Variants in ROBO2 observed in about 807,000 individuals in gnomAD.
The protein encoded by ROBO2 is roundabout homolog 2.
ROBO2 carries 53 observed loss-of-function variants against 160.8 expected under a neutral mutation model. The observed-to-expected ratio is 0.33, with a 90% CI of 0.26 to 0.41. The LOEUF is 0.41. ROBO2 is among the 10% of genes least tolerant of loss of function. The pLI, the probability that ROBO2 is intolerant of heterozygous loss-of-function variation, is 1.00. For synonymous variants in ROBO2, 664 were observed against 611.7 expected, an observed-to-expected ratio of 1.09 and a Z score of -1.26; for missense variants, 1,577 against 1,722.4, an observed-to-expected ratio of 0.92 and a Z score of 1.49.
chr3:77,487,783 TAAAG>T (rs1329646450), intron 4 of ROBO2, among the ~76,000 whole-genome samples: 1 of 152,196 alleles, frequency 6.6e-6, no homozygotes, highest in African/African-American at 2.4e-5. Flanking sequence ...TTACAGGACT[TAAAG>T]AACTCTACCT....
intron 2 of ROBO2, among the ~76,000 whole-genome samples, chr3:77,243,546 G>A (rs1171899241): frequency 6.6e-6 from 1 of 152,022 alleles, no homozygotes; most frequent in African/African-American, 2.4e-5. Context: ...GACTATTCTG[G>A]ACACGGTCAT....
chr3:76,732,125 G>GA (rs1345863944), intron 2 of ROBO2, among the ~76,000 whole-genome samples: 2 of 152,062 alleles, frequency 1.3e-5, no homozygotes, highest in Non-Finnish European at 2.9e-5. Flanking sequence ...CTGTGACTTT[G>GA]AAAATCAGAG....
chr3:76,341,047 T>C (rs1298637643), intron 2 of ROBO2, among the ~76,000 whole-genome samples: 1 of 152,170 alleles, frequency 6.6e-6, no homozygotes, highest in Non-Finnish European at 1.5e-5. Context: ...GGTACAGCTA[T>C]ATTTTCTAAA....
intron 2 of ROBO2, among the ~76,000 whole-genome samples, chr3:76,956,844 T>A (rs1339484678): frequency 6.6e-6 from 1 of 152,008 alleles, no homozygotes; most frequent in African/African-American, 2.4e-5. Flanking sequence ...AATTTGCATT[T>A]TTGGCAAGCA....
At chr3:77,030,059 C>T (rs2063219135) in intron 2 of ROBO2, among the ~76,000 whole-genome samples, 2 of 152,076 alleles carry the variant, frequency 1.3e-5, no homozygotes, top group African/African-American at 4.8e-5. Context: ...TTTCTCCTGC[C>T]TCAGCCTCCC....
chr3:77,385,520 A>T (rs2074009895), intron 2 of ROBO2, among the ~76,000 whole-genome samples: 1 of 152,214 alleles, frequency 6.6e-6, no homozygotes, highest in African/African-American at 2.4e-5. Context: ...TTATCTGAAG[A>T]TAAATAACTT....
At chr3:77,563,071 C>T (rs1017953922) in intron 10 of ROBO2, 96 bp from the exon 12 acceptor site, 1 of 1,125,024 alleles carries the variant, frequency 8.9e-7, no homozygotes, top group African/African-American at 1.5e-5. Flanking sequence ...TTCTCACTGT[C>T]TAGGTCAGGT....
At chr3:77,401,260 A>ATT (rs1553938228) in intron 2 of ROBO2, among the ~76,000 whole-genome samples, 2 of 80,952 alleles carry the variant, frequency 2.5e-5, no homozygotes, top group East Asian at 3.9e-4. Flanking sequence ...AGTTGTTTGT[A>ATT]TTTAAAAAAA....
At chr3:76,389,049 T>C (rs2077027680) in intron 2 of ROBO2, among the ~76,000 whole-genome samples, 1 of 152,224 alleles carries the variant, frequency 6.6e-6, no homozygotes, top group African/African-American at 2.4e-5. Context: ...AAAAGGTTAT[T>C]GCCCTGAAGT....
chr3:76,382,314 C>G (rs536028910), intron 2 of ROBO2, among the ~76,000 whole-genome samples: 2 of 152,276 alleles, frequency 1.3e-5, no homozygotes, highest in African/African-American at 4.8e-5. Context: ...CTTGGCTGGG[C>G]GCGGTGACTC....
chr3:76,908,380 T>C (rs566659383), intron 2 of ROBO2, among the ~76,000 whole-genome samples: 1 of 152,172 alleles, frequency 6.6e-6, no homozygotes, highest in African/African-American at 2.4e-5. Flanking sequence ...TAAAATAAAA[T>C]GTAGTTCACC....
Position 76,972,641 on chromosome 3 carries a change from G to A in ROBO2, c.110-125373G>A, listed in dbSNP as rs374516667. On this transcript the variant is annotated intron_variant, in intron 2 of 26. Coordinates refer to the ROBO2 transcript ENST00000487694. ...GGGAAGCCGAGGTGGAGGACTGCGT[G>A]AACCTAGGTGCTTGAGACAAGCCTG... 3.0e-4 allele frequency among the ~76,000 whole-genome samples: 45 copies of A among 152,142 alleles called. No homozygotes were observed. In the South Asian group the frequency reaches 3.7e-3, roughly 13 times the overall value.
rs148245566 is a variant in ROBO2 at position 76,500,162 on chromosome 3, G to A, written c.109+562560G>A. On this transcript the variant is annotated intron_variant, in intron 2 of 26. Transcript: ENST00000487694. ...TAGAGATAATCTCAATCTGTCACCCGGGTTGGAGTGCAATGACACAATCAC... is the reference window on the plus strand; with the variant it reads ...TAGAGATAATCTCAATCTGTCACCCAGGTTGGAGTGCAATGACACAATCAC... Among the ~76,000 whole-genome samples the A allele has an allele frequency of 7.7e-3, 1,176 of 152,046 alleles. 19 individuals carry two copies. The highest frequency in any genetic ancestry group is 0.027 in the African/African-American group (1,118 of 41,470).
intron 2 of ROBO2, among the ~76,000 whole-genome samples, chr3:77,215,594 C>G (rs1173316583): frequency 6.6e-6 from 1 of 152,194 alleles, no homozygotes; most frequent in Non-Finnish European, 1.5e-5. Flanking sequence ...AAGTCATTCT[C>G]TGTCCAGCTT....
At chr3:77,530,373 C>T (rs1033864292) in intron 6 of ROBO2, among the ~76,000 whole-genome samples, 3 of 151,818 alleles carry the variant, frequency 2.0e-5, no homozygotes, top group Admixed American at 6.6e-5. Context: ...TGTAGAAAGC[C>T]CCCTTTAGAA....
At chr3:76,790,663 T>A (rs1330726510) in intron 2 of ROBO2, among the ~76,000 whole-genome samples, 2 of 151,834 alleles carry the variant, frequency 1.3e-5, no homozygotes, top group East Asian at 3.9e-4. Flanking sequence ...CTACATCGCA[T>A]TTCCCAAATT....
At chr3:76,524,606 T>G (rs2081827336) in intron 2 of ROBO2, among the ~76,000 whole-genome samples, 1 of 151,740 alleles carries the variant, frequency 6.6e-6, no homozygotes, top group Non-Finnish European at 1.5e-5. Flanking sequence ...GTTATCATTT[T>G]TATTTATTAA....
Position 76,688,602 on chromosome 3 carries a change from GGTGT to G in ROBO2, c.110-409390_110-409387del, listed in dbSNP as rs111250460. The stretch of plus-strand genomic sequence containing the variant: ...GTAGACTAGGGAGAGAAATTTTAGT[GGTGT>G]GTGTGTGTGTGTGTGTGTGTGCATG... On this transcript the variant is annotated intron_variant, in intron 2 of 26. Coordinates refer to the ROBO2 transcript ENST00000487694. Among the ~76,000 whole-genome samples, 193 of 148,766 alleles carry G rather than the reference GGTGT, an allele frequency of 1.3e-3. 1 individual carries two copies. Among genetic ancestry groups the G allele is most frequent in the Non-Finnish European group, 2.0e-3 (134 of 66,992 alleles).
chr3:77,100,007 T>G (rs2071683294), intron 2 of ROBO2, among the ~76,000 whole-genome samples: 1 of 152,134 alleles, frequency 6.6e-6, no homozygotes, highest in African/African-American at 2.4e-5. Flanking sequence ...GCAAATAAGG[T>G]GTTTAAATCC....
Sources: gnomAD v4.1 joint callset for allele counts (sites outside exome capture counted in the v4.1 genomes callset) on GRCh38, gnomAD v4.1.1 for gene constraint, MANE v1.5 for transcripts, NCBI Gene and HGNC (gene_info 2026-07-23, HGNC 2026-07-21) for gene names.